The following SCAP variants were observed in gnomAD, a reference collection of about 807,000 sequenced individuals.
The protein encoded by SCAP is SREBF chaperone, also known as sterol regulatory element-binding protein cleavage-activating protein.
Under a neutral mutation model 123.6 loss-of-function variants are expected in SCAP, and 65 were observed. The observed-to-expected ratio is 0.53, with a 90% CI of 0.43 to 0.65. The LOEUF is 0.65. Among genes scored for constraint, SCAP ranks in the 30% least tolerant of loss-of-function variants. The pLI, the probability that SCAP is intolerant of heterozygous loss-of-function variation, is 0.00. For missense variants in SCAP, 1,398 were observed against 1,712.5 expected (o/e 0.82, Z 3.24); for synonymous variants, 740 against 726.3 (o/e 1.02, Z -0.30).
intron 1 of SCAP, among the ~76,000 whole-genome samples, chr3:47,456,962 G>C (rs1315380222): frequency 1.3e-5 from 2 of 152,068 alleles, no homozygotes; most frequent in South Asian, 2.1e-4. Flanking sequence ...TGAGGCGGGT[G>C]GATCACCTGA....
rs748447667 is a variant in SCAP, at chr3:47,418,805, C to A, written c.1979G>T (p.Arg660Leu). Reference protein sequence around the residue: ...SLLPVIPVTLRLNPREALEGR... With the variant: ...SLLPVIPVTLLLNPREALEGR... ...CTCCAGAGCCTCCCTCGGGTTCAGG[C>A]GGAGCGTGACTGGGATGACGGGCAG... The change falls in exon 14 of 23, where the codon CGC (arginine) becomes CTC (leucine). Residue 660 changes from arginine (R) to leucine (L), a missense_variant. Arg to Leu is a moderately radical substitution (Grantham distance 102). Transcript: ENST00000265565. 3.2e-6 allele frequency: 5 copies of A among 1,542,504 alleles called. No homozygotes were observed. Among genetic ancestry groups the A allele is most frequent in the Non-Finnish European group, 4.4e-6 (5 of 1,148,638 alleles).
chr3:47,438,815 T>C (rs1487775171), intron 2 of SCAP, among the ~76,000 whole-genome samples: 1 of 148,892 alleles, frequency 6.7e-6, no homozygotes, highest in African/African-American at 2.5e-5. Flanking sequence ...GGAGACCCTG[T>C]CTCAAAAAAA....
intron 1 of SCAP, among the ~76,000 whole-genome samples, chr3:47,465,709 T>C (rs1368104747): frequency 6.6e-6 from 1 of 151,056 alleles, no homozygotes; most frequent in African/African-American, 2.4e-5. Flanking sequence ...CTCAAGGCTG[T>C]AGTGAGCAGT....
At chr3:47,428,890 C>A (rs1706250201) in intron 3 of SCAP, 1 of 486,210 alleles carries the variant, frequency 2.1e-6, no homozygotes, top group Non-Finnish European at 3.6e-6. Context: ...AAAGAACTGG[C>A]TGAAATAAGC....
At chr3:47,458,258 C>T (rs1202685137) in intron 1 of SCAP, among the ~76,000 whole-genome samples, 2 of 152,090 alleles carry the variant, frequency 1.3e-5, no homozygotes, top group East Asian at 1.9e-4. Context: ...AGTGAAACCC[C>T]GTCTCTACTC....
At chr3:47,423,107 G>C (rs760881215) in intron 9 of SCAP, among the ~76,000 whole-genome samples, 1 of 152,198 alleles carries the variant, frequency 6.6e-6, no homozygotes, top group Admixed American at 6.5e-5. Flanking sequence ...ACAGGGCCTG[G>C]CTTATCACAG....
intron 1 of SCAP, among the ~76,000 whole-genome samples, chr3:47,467,100 A>G (rs1707855350): frequency 1.4e-5 from 2 of 141,264 alleles, no homozygotes; most frequent in South Asian, 2.2e-4. Flanking sequence ...CTTAAAAAAG[A>G]AAAAAAAAAA....
At chr3:47,462,949 T>A (rs771543659) in intron 1 of SCAP, among the ~76,000 whole-genome samples, 6 of 152,050 alleles carry the variant, frequency 3.9e-5, no homozygotes, top group Non-Finnish European at 5.9e-5. Flanking sequence ...GCCTGACTCC[T>A]GGCTCCAATT....
chr3:47,423,165 C>T (rs1705981992), intron 9 of SCAP, among the ~76,000 whole-genome samples: 2 of 152,228 alleles, frequency 1.3e-5, no homozygotes, highest in South Asian at 2.1e-4. Flanking sequence ...CAGCCCCATT[C>T]CTCACAGACA....
intron 1 of SCAP, among the ~76,000 whole-genome samples, chr3:47,460,970 G>T (rs1475384650): frequency 1.3e-5 from 2 of 152,164 alleles, no homozygotes; most frequent in Non-Finnish European, 2.9e-5. Context: ...GCTCACCTGG[G>T]CCCCTTTTCC....
intron 2 of SCAP, among the ~76,000 whole-genome samples, chr3:47,435,530 G>A (rs891982342): frequency 7.2e-6 from 1 of 138,988 alleles, no homozygotes; most frequent in African/African-American, 3.0e-5. Context: ...ATAGATAGGC[G>A]CCTGCCACTA....
chr3:47,467,952 G>A (rs1195674639), intron 1 of SCAP, among the ~76,000 whole-genome samples: 1 of 146,688 alleles, frequency 6.8e-6, no homozygotes, highest in African/African-American at 2.5e-5. Context: ...TCCCACCTAT[G>A]AGTGAGAACA....
rs764329443 is a variant in SCAP, at chr3:47,428,657, G to A, written c.266C>T (p.Pro89Leu). ...TEQPEWYVGA[P>L]VAYVQQIFVK... ...AAATATCTGCTGGACATAAGCCACC[G>A]GGGCACCCACATACTGCAGAAGAAA... Residue 89 changes from proline to leucine, a missense_variant, in exon 4 of 23, where the codon CCG (proline) becomes CTG (leucine). Pro to Leu is a moderately conservative substitution (Grantham distance 98, BLOSUM62 -3). Transcript: ENST00000265565. 7.4e-6 allele frequency: 12 copies of A among 1,613,886 alleles called. No homozygotes were observed. Among genetic ancestry groups the A allele is most frequent in the Non-Finnish European group, 1.0e-5 (12 of 1,179,984 alleles).
At chr3:47,472,460 AAAT>A (rs34363569) in intron 1 of SCAP, among the ~76,000 whole-genome samples, 9,226 of 145,658 alleles carry the variant, frequency 0.063, 648 homozygotes, top group African/African-American at 0.18. Flanking sequence ...AAATAAAATA[AAAT>A]AATAATAATA....
At chr3:47,449,040 G>C (rs1382767557) in intron 1 of SCAP, among the ~76,000 whole-genome samples, 2 of 152,312 alleles carry the variant, frequency 1.3e-5, no homozygotes, top group South Asian at 4.1e-4. Flanking sequence ...TCTGTGGGCT[G>C]TGGTACCAAT....
intron 1 of SCAP, among the ~76,000 whole-genome samples, chr3:47,461,756 G>A (rs557036166): frequency 2.0e-5 from 3 of 152,228 alleles, no homozygotes; most frequent in African/African-American, 4.8e-5. Context: ...AGTCTAGGCC[G>A]GGCACGGTGG....
chr3:47,434,575 C>T (rs766893932), intron 3 of SCAP, among the ~76,000 whole-genome samples: 5 of 152,192 alleles, frequency 3.3e-5, no homozygotes, highest in African/African-American at 9.6e-5. Flanking sequence ...CGGTGGCTCA[C>T]GCCTGTAATC....
In SCAP at chr3:47,414,265, G is replaced by T. The variant is rs201231966; in HGVS notation, c.3509C>A (p.Thr1170Asn). Reference protein sequence around the residue: ...RGDVTSLTCTTSCVISSGLDD... With the variant: ...RGDVTSLTCTNSCVISSGLDD... Reference sequence around the variant, plus strand: ...CAGGCCACTGCTGATGACACAGGAGGTGGTACAGGTAAGGGAGGTGACATC... The same window carrying T: ...CAGGCCACTGCTGATGACACAGGAGTTGGTACAGGTAAGGGAGGTGACATC... The change falls in exon 22 of 23, where the codon ACC becomes AAC. Residue 1170 changes from threonine (T) to asparagine (N), a missense_variant. Around this residue, in one of 7 missense-constraint regions of SCAP, gnomAD observed 130 missense variants for 166.7 expected, o/e 0.78. Coordinates refer to ENST00000265565, the MANE Select transcript of SCAP (RefSeq NM_012235.4). 204 of 1,613,464 alleles carry T rather than the reference G, an allele frequency of 1.3e-4. No individual in the cohort carries two copies. The Middle Eastern group carries it at 1.5e-3, about 12-fold the overall frequency.
At chr3:47,443,857 G>T (rs758263646) in intron 1 of SCAP, among the ~76,000 whole-genome samples, 17 of 152,170 alleles carry the variant, frequency 1.1e-4, no homozygotes, top group African/African-American at 4.8e-5. Context: ...GCCCCGTGCC[G>T]ACCCAAGCTA....
Sources: allele counts gnomAD v4.1 joint callset (sites outside exome capture counted in the v4.1 genomes callset), GRCh38; gene constraint gnomAD v4.1.1; regional missense constraint gnomAD v4.1.1; transcripts MANE v1.5; gene names NCBI Gene and HGNC (gene_info 2026-07-23, HGNC 2026-07-21).